MSH4: variants seen among roughly 807,000 people sequenced by gnomAD.
The protein encoded by MSH4 is mutS protein homolog 4.
MSH4 carries 106 observed loss-of-function variants against 113.7 expected under a neutral mutation model. The ratio of observed to expected loss-of-function variants is 0.93; its 90% CI spans 0.80 to 1.10. The LOEUF is 1.10. MSH4 is among the 50% of genes least tolerant of loss of function. MSH4 has a pLI of 0.00. For missense variants in MSH4, 1,061 were observed against 1,093.7 expected, an observed-to-expected ratio of 0.97 and a Z score of 0.42; for synonymous variants, 368 against 380.2, an observed-to-expected ratio of 0.97 and a Z score of 0.37.
At position 75,898,006 on chromosome 1, in the gene MSH4, A is replaced by G. The variant is rs764749685; in HGVS notation, c.2455A>G (p.Asn819Asp). 7 of 1,608,090 alleles carry G rather than the reference A, an allele frequency of 4.4e-6. No individual in the cohort carries two copies. In the East Asian group the frequency reaches 1.6e-4, roughly 36 times the overall value. The change falls in exon 18 of 20, where the codon AAT (asparagine) becomes GAT (aspartate). Residue 819 changes from asparagine (N) to aspartate (D), a missense_variant. Asn to Asp is a conservative substitution (Grantham distance 23). Transcript: ENST00000263187. Reference sequence around the variant, plus strand: ...GCATTTTGAAGTTCAACATGTAAAGAATACCTCAAGAAATAAAGAAGCAAT... The same window carrying G: ...GCATTTTGAAGTTCAACATGTAAAGGATACCTCAAGAAATAAAGAAGCAAT... The part of the protein sequence containing the change: ...NMHFEVQHVK[N>D]TSRNKEAILY...
intron 19 of MSH4, among the ~76,000 whole-genome samples, chr1:75,906,881 T>C (rs1318564992): frequency 6.6e-6 from 1 of 150,866 alleles, no homozygotes; most frequent in Non-Finnish European, 1.5e-5. Context: ...TTGCCCAGGC[T>C]GCAGTGCAGT....
chr1:75,872,043 C>T (rs1185526340), intron 9 of MSH4, among the ~76,000 whole-genome samples: 1 of 152,136 alleles, frequency 6.6e-6, no homozygotes, highest in Non-Finnish European at 1.5e-5. Context: ...GAAAATTTTA[C>T]ATCTTGACCT....
intron 2 of MSH4, among the ~76,000 whole-genome samples, chr1:75,805,702 T>C (rs898858091): frequency 6.6e-6 from 1 of 152,136 alleles, no homozygotes; most frequent in Non-Finnish European, 1.5e-5. Context: ...TACCAGTTTT[T>C]AAGAATCTCA....
At chr1:75,816,875 C>T (rs1187131219) in intron 6 of MSH4, among the ~76,000 whole-genome samples, 1 of 152,118 alleles carries the variant, frequency 6.6e-6, no homozygotes, top group Admixed American at 6.6e-5. Flanking sequence ...TATCCACCTG[C>T]CTCAGCCTCC....
intron 19 of MSH4, among the ~76,000 whole-genome samples, chr1:75,906,819 A>T (rs1652667541): frequency 6.7e-6 from 1 of 148,268 alleles, no homozygotes; most frequent in Non-Finnish European, 1.5e-5. Flanking sequence ...TACTATTTTC[A>T]TAAACGTGTC....
chr1:75,865,472 AG>A (rs1651543850), intron 8 of MSH4, among the ~76,000 whole-genome samples: 1 of 152,174 alleles, frequency 6.6e-6, no homozygotes, highest in Non-Finnish European at 1.5e-5. Context: ...CCAAGAGGAG[AG>A]GGCATGTCAG....
intron 8 of MSH4, among the ~76,000 whole-genome samples, chr1:75,855,526 C>T (rs547034262): frequency 1.3e-5 from 2 of 152,310 alleles, no homozygotes; most frequent in East Asian, 3.9e-4. Flanking sequence ...GATTTGTTTA[C>T]AATTATTGCC....
intron 4 of MSH4, among the ~76,000 whole-genome samples, 196 bp downstream of exon 4, chr1:75,811,003 C>T (rs925469255): frequency 2.6e-5 from 4 of 152,146 alleles, no homozygotes; most frequent in Non-Finnish European, 5.9e-5. Context: ...TCCCAAGTAG[C>T]TGGGACTACA....
intron 19 of MSH4, among the ~76,000 whole-genome samples, chr1:75,909,756 C>T (rs1652748705): frequency 6.6e-6 from 1 of 150,998 alleles, no homozygotes; most frequent in African/African-American, 2.4e-5. Context: ...CAGTTTCACT[C>T]TTCCTGTACT....
intron 17 of MSH4, among the ~76,000 whole-genome samples, chr1:75,891,456 T>C (rs1447248242): frequency 1.3e-5 from 2 of 152,080 alleles, no homozygotes; most frequent in Non-Finnish European, 2.9e-5. Context: ...ATTTTTATTA[T>C]ATTTATTTAT....
At chr1:75,844,102 C>T (rs903099271) in intron 7 of MSH4, among the ~76,000 whole-genome samples, 4 of 152,096 alleles carry the variant, frequency 2.6e-5, no homozygotes, top group Admixed American at 6.6e-5. Flanking sequence ...TAAGCCACCA[C>T]GCCCGGCTCT....
chr1:75,880,712 A>C (rs1274515220), intron 13 of MSH4, among the ~76,000 whole-genome samples: 1 of 152,040 alleles, frequency 6.6e-6, no homozygotes, highest in Non-Finnish European at 1.5e-5. Context: ...AACTTTTTGC[A>C]CTATATCACA....
At chr1:75,899,917 A>C (rs915187723) in intron 19 of MSH4, among the ~76,000 whole-genome samples, 4 of 151,630 alleles carry the variant, frequency 2.6e-5, no homozygotes, top group Non-Finnish European at 4.4e-5. Context: ...AAATCAGCTA[A>C]CAAGCTAGGA....
At chr1:75,905,393 C>T (rs111913126) in intron 19 of MSH4, among the ~76,000 whole-genome samples, 2 of 151,446 alleles carry the variant, frequency 1.3e-5, no homozygotes, top group Non-Finnish European at 2.9e-5. Flanking sequence ...TAGTTTTATT[C>T]CATTGTGGAA....
Position 75,912,911 on chromosome 1 carries a change from A to C in MSH4, c.*24A>C. 7.3e-7 allele frequency: 1 copy of C among 1,362,656 alleles called. No individual in the cohort carries two copies. Among genetic ancestry groups the C allele is most frequent in the Non-Finnish European group, 9.7e-7 (1 of 1,031,978 alleles). The allele number at this position is 1,362,656 out of a possible 1,614,324, so 84.4% of individuals were successfully genotyped here. A position where few individuals can be genotyped will look rare whatever the true frequency, so the allele number is the denominator to read the frequency against. On this transcript the variant is annotated 3_prime_UTR_variant, in exon 20 of 20. Transcript: ENST00000263187. ...AATCACAATTCTAATGTAATAATATATCTTAATTCAAGGAACCTAGAATTT... is the reference window on the plus strand; with the variant it reads ...AATCACAATTCTAATGTAATAATATCTCTTAATTCAAGGAACCTAGAATTT...
intron 4 of MSH4, among the ~76,000 whole-genome samples, chr1:75,812,263 G>T (rs1557492184): frequency 1.3e-5 from 2 of 152,278 alleles, no homozygotes; most frequent in East Asian, 3.9e-4. Flanking sequence ...TCAGTAATAT[G>T]CTGTTGCAAC....
intron 7 of MSH4, among the ~76,000 whole-genome samples, chr1:75,832,868 C>A (rs1207931847): frequency 1.3e-5 from 2 of 152,086 alleles, no homozygotes; most frequent in East Asian, 1.9e-4. Flanking sequence ...CCCTTGAAAC[C>A]TGGCACAAGA....
Position 75,909,579 on chromosome 1 carries a change from C to T in MSH4, c.2620-3117C>T, listed in dbSNP as rs564724650. Among the ~76,000 whole-genome samples the T allele has an allele frequency of 1.4e-4, 22 of 151,840 alleles. No individual in the cohort carries two copies. In the South Asian group the frequency reaches 2.1e-3, roughly 14 times the overall value. On this transcript the variant is annotated intron_variant, in intron 19 of 19. Coordinates refer to ENST00000263187, the MANE Select transcript of MSH4 (RefSeq NM_002440.4). ...TGGTGGTTTGCTGCACCCATCAACC[C>T]GTCATCTAGGTTTTAAGTCCCGCAT...
chr1:75,803,144 C>G (rs1649976631), intron 1 of MSH4, among the ~76,000 whole-genome samples: 1 of 152,094 alleles, frequency 6.6e-6, no homozygotes, highest in Non-Finnish European at 1.5e-5. Context: ...CATACCTTAG[C>G]AACACATCTG....
Sources: allele counts gnomAD v4.1 joint callset (sites outside exome capture counted in the v4.1 genomes callset), GRCh38; gene constraint gnomAD v4.1.1; transcripts MANE v1.5; gene names NCBI Gene and HGNC (gene_info 2026-07-23, HGNC 2026-07-21).